Variants in STPG2 observed in about 807,000 individuals in gnomAD.
STPG2 encodes sperm tail PG-rich repeat containing 2, also known as sperm-tail PG-rich repeat-containing protein 2.
Under a neutral mutation model 54.2 loss-of-function variants are expected in STPG2, and 56 were observed. The ratio of observed to expected loss-of-function variants is 1.03; its 90% CI spans 0.83 to 1.29. The LOEUF (loss-of-function observed/expected upper bound fraction) is 1.29, where lower values mean the gene tolerates loss of function less well. STPG2 is among the 50% of genes most tolerant of loss of function. The pLI, the probability that STPG2 is intolerant of heterozygous loss-of-function variation, is 0.00. For missense variants in STPG2, 596 were observed against 544.9 expected (o/e 1.09, Z -0.93); for synonymous variants, 200 against 181.8 (o/e 1.10, Z -0.81).
At chr4:97,919,076 A>G (rs1284614924) in intron 8 of STPG2, among the ~76,000 whole-genome samples, 1 of 152,194 alleles carries the variant, frequency 6.6e-6, no homozygotes, top group Non-Finnish European at 1.5e-5. Flanking sequence ...AAATAAAACT[A>G]CATAGGGATT....
Position 97,891,292 on chromosome 4 carries a change from T to C in STPG2, c.1045-50360A>G, listed in dbSNP as rs572874886. Among the ~76,000 whole-genome samples, 5 of 152,140 alleles carry C rather than the reference T, an allele frequency of 3.3e-5. No homozygotes were observed. The East Asian group carries it at 9.7e-4, about 29-fold the overall frequency. On this transcript the variant is annotated intron_variant, in intron 8 of 10. Coordinates refer to ENST00000295268, the MANE Select transcript of STPG2 (RefSeq NM_174952.3). ...TCTTAAAAATAAGTAAATAAATAAA[T>C]TGACTTTTATAAAAGAAAAATGTGA... is the stretch of plus-strand genomic sequence containing the variant.
At chr4:97,601,762 G>A (rs940827860) in intron 10 of STPG2, among the ~76,000 whole-genome samples, 1 of 151,846 alleles carries the variant, frequency 6.6e-6, no homozygotes, top group Non-Finnish European at 1.5e-5. Flanking sequence ...AATTTCTCCA[G>A]AATGTTCTTC....
chr4:97,558,937 C>A lies in STPG2; in HGVS notation c.*121G>T, dbSNP rs1732148528. 1 of 801,532 alleles carries A rather than the reference C, an allele frequency of 1.2e-6. No individual in the cohort carries two copies. The highest frequency in any genetic ancestry group is 2.1e-6 in the Non-Finnish European group (1 of 480,854). The allele number at this position is 801,532 out of a possible 1,614,324, so 49.7% of individuals were successfully genotyped here. Reference sequence around the variant, plus strand: ...ATAGTCACTAAAGCCTGAGCGAATGCCTGAACAAGTGAAAATTATGCTTTT... The same window carrying A: ...ATAGTCACTAAAGCCTGAGCGAATGACTGAACAAGTGAAAATTATGCTTTT... On this transcript the variant is annotated 3_prime_UTR_variant, in exon 11 of 11. Coordinates refer to ENST00000295268, the MANE Select transcript of STPG2 (RefSeq NM_174952.3).
At chr4:97,610,313 G>A (rs1031756397) in intron 10 of STPG2, among the ~76,000 whole-genome samples, 15 of 151,964 alleles carry the variant, frequency 9.9e-5, no homozygotes, top group Non-Finnish European at 4.4e-5. Flanking sequence ...TCTTACCTCA[G>A]AGACATGGAA....
At chr4:97,596,786 T>C (rs764136410) in intron 10 of STPG2, among the ~76,000 whole-genome samples, 9 of 152,108 alleles carry the variant, frequency 5.9e-5, no homozygotes, top group Admixed American at 1.3e-4. Context: ...AGAAGTTTAA[T>C]AGCACTAACT....
chr4:97,666,870 C>T (rs1360840982), intron 10 of STPG2, among the ~76,000 whole-genome samples: 4 of 152,170 alleles, frequency 2.6e-5, no homozygotes, highest in Non-Finnish European at 4.4e-5. Flanking sequence ...CAGCTCATTT[C>T]ATCCACCACC....
chr4:97,956,464 G>T (rs1160573659), intron 7 of STPG2, among the ~76,000 whole-genome samples: 3 of 152,148 alleles, frequency 2.0e-5, no homozygotes, highest in African/African-American at 7.2e-5. Flanking sequence ...AGAGCAGTGT[G>T]TGGAGTCTCA....
At chr4:97,740,151 C>G (rs1725173860) in intron 9 of STPG2, among the ~76,000 whole-genome samples, 1 of 152,108 alleles carries the variant, frequency 6.6e-6, no homozygotes, top group African/African-American at 2.4e-5. Context: ...AGGCCTTTCA[C>G]AAAATTCAAC....
chr4:98,013,126 T>C (rs553070433), intron 5 of STPG2, among the ~76,000 whole-genome samples: 1 of 152,358 alleles, frequency 6.6e-6, no homozygotes, highest in South Asian at 2.1e-4. Flanking sequence ...ATATGTTCCA[T>C]CAATACCTAG....
At position 98,095,374 on chromosome 4, in the gene STPG2, G is replaced by T. The variant is rs377650590; in HGVS notation, c.612+10579C>A. ...CTAAACTCTCCAATTAAAAGACATA[G>T]AGCAGCTGAACAGATGTTTTCAAAG... On this transcript the variant is annotated intron_variant, in intron 5 of 10. Coordinates refer to ENST00000295268, the MANE Select transcript of STPG2 (RefSeq NM_174952.3). 1.8e-4 allele frequency among the ~76,000 whole-genome samples: 27 copies of T among 152,240 alleles called. 1 individual carries two copies. Among genetic ancestry groups the T allele is most frequent in the African/African-American group, 6.0e-4 (25 of 41,540 alleles).
intron 4 of STPG2, among the ~76,000 whole-genome samples, chr4:97,549,825 G>A (rs1192225200): frequency 1.3e-5 from 2 of 152,088 alleles, no homozygotes; most frequent in Admixed American, 1.3e-4. Flanking sequence ...GTGTGACCCT[G>A]CTGACACCTT....
chr4:97,919,984 T>C (rs796107761), intron 8 of STPG2, among the ~76,000 whole-genome samples: 8 of 152,278 alleles, frequency 5.3e-5, no homozygotes, highest in African/African-American at 1.9e-4. Context: ...AGGAACAATT[T>C]CAGAGGAAAA....
intron 4 of STPG2, among the ~76,000 whole-genome samples, chr4:97,457,161 A>G (rs896802352): frequency 2.6e-5 from 4 of 152,220 alleles, no homozygotes; most frequent in Admixed American, 6.5e-5. Context: ...TGGGAATACA[A>G]AATGACACAG....
intron 4 of STPG2, among the ~76,000 whole-genome samples, chr4:97,544,152 A>G (rs1731781858): frequency 6.6e-6 from 1 of 152,158 alleles, no homozygotes; most frequent in Non-Finnish European, 1.5e-5. Context: ...ATAAAACTGT[A>G]TGCATACAAA....
chr4:97,619,958 G>T (rs951364728), intron 10 of STPG2, among the ~76,000 whole-genome samples: 2 of 151,788 alleles, frequency 1.3e-5, no homozygotes, highest in African/African-American at 4.8e-5. Context: ...CGAGTAGCTG[G>T]GACTACAGGC....
intron 4 of STPG2, among the ~76,000 whole-genome samples, chr4:97,544,021 C>T (rs1731779694): frequency 1.3e-5 from 2 of 151,874 alleles, no homozygotes; most frequent in South Asian, 4.1e-4. Flanking sequence ...TGTGGTTCAA[C>T]AAAAAGAAAA....
rs569564238 is a variant in STPG2 at position 97,896,607 on chromosome 4, C to A, written c.1044+47290G>T. ...GGTTGCCGAATTTAAATACACCCAT[C>A]ACTATCTATTTATTCCTACATAAAA... On this transcript the variant is annotated intron_variant, in intron 8 of 10. Transcript: ENST00000295268. Among the ~76,000 whole-genome samples, 8 of 151,892 alleles carry A rather than the reference C, an allele frequency of 5.3e-5. No individual in the cohort carries two copies. In the South Asian group the frequency reaches 1.7e-3, roughly 31 times the overall value.
chr4:97,932,563 G>T (rs920089423), intron 8 of STPG2, among the ~76,000 whole-genome samples: 1 of 152,018 alleles, frequency 6.6e-6, no homozygotes, highest in African/African-American at 2.4e-5. Flanking sequence ...TCCCCTCCCT[G>T]TGTCCATGTG....
intron 10 of STPG2, among the ~76,000 whole-genome samples, chr4:97,695,094 A>AC (rs1723524620): frequency 6.6e-6 from 1 of 151,746 alleles, no homozygotes; most frequent in Non-Finnish European, 1.5e-5. Context: ...CCTCCAAAAA[A>AC]AAAAAATAGT....
Sources: gnomAD v4.1 joint callset for allele counts (sites outside exome capture counted in the v4.1 genomes callset) on GRCh38, gnomAD v4.1.1 for gene constraint, MANE v1.5 for transcripts, NCBI Gene and HGNC (gene_info 2026-07-23, HGNC 2026-07-21) for gene names.